GLIS3: variants seen among roughly 807,000 people sequenced by gnomAD.
GLIS3 encodes the protein zinc finger protein GLIS3.
In GLIS3, 53 loss-of-function variants were observed where a neutral mutation model predicts 78.6. The observed-to-expected ratio is 0.67, with a 90% CI of 0.54 to 0.85. The LOEUF is 0.85. Among genes scored for constraint, GLIS3 ranks in the 40% least tolerant of loss-of-function variants. The probability of loss-of-function intolerance (pLI) is 0.00; values close to 1 mark genes in which losing one functional copy is unlikely to be tolerated. For synonymous variants in GLIS3, 684 were observed against 509.9 expected, an observed-to-expected ratio of 1.34 and a Z score of -4.60; for missense variants, 1,703 against 1,231.1, an observed-to-expected ratio of 1.38 and a Z score of -5.74.
the GLIS3 span, chr9:4,490,428 G>T: frequency 3.8e-6 from 1 of 266,364 alleles, no homozygotes; most frequent in East Asian, 7.6e-5. Flanking sequence ...AGGCGCCGCA[G>T]AGCGCGGCGG....
At chr9:4,408,561 T>G in the GLIS3 span, among the ~76,000 whole-genome samples, 1 of 151,526 alleles carries the variant, frequency 6.6e-6, no homozygotes, top group Non-Finnish European at 1.5e-5. Flanking sequence ...ATCCCGTCTG[T>G]ACTAAAAATA....
At chr9:4,159,048 A>AAAAAAAAAAAAAAT (rs1564131649) in intron 2 of GLIS3, among the ~76,000 whole-genome samples, 1 of 150,090 alleles carries the variant, frequency 6.7e-6, no homozygotes, top group Non-Finnish European at 1.5e-5. Flanking sequence ...AAAAAAAAAA[A>AAAAAAAAAAAAAAT]AGCCAGGCTA....
the GLIS3 span, among the ~76,000 whole-genome samples, chr9:4,403,890 G>A: frequency 6.6e-6 from 1 of 152,074 alleles, no homozygotes; most frequent in Non-Finnish European, 1.5e-5. Context: ...ATAATACTGA[G>A]TGAAAATTGA....
chr9:3,900,229 G>C (rs962585023), intron 6 of GLIS3, among the ~76,000 whole-genome samples: 4 of 150,504 alleles, frequency 2.7e-5, no homozygotes, highest in Non-Finnish European at 5.9e-5. Flanking sequence ...TAATAAGCGT[G>C]AAAAATGTTT....
the GLIS3 span, among the ~76,000 whole-genome samples, chr9:4,387,573 A>C: frequency 6.6e-6 from 1 of 152,202 alleles, no homozygotes; most frequent in Non-Finnish European, 1.5e-5. Flanking sequence ...TACTATGACT[A>C]TTGGGAGGAT....
chr9:4,456,800 C>T, the GLIS3 span, among the ~76,000 whole-genome samples: 1 of 152,150 alleles, frequency 6.6e-6, no homozygotes, highest in Non-Finnish European at 1.5e-5. Flanking sequence ...GAACAGCTGA[C>T]CAGTTGAGCA....
At chr9:4,336,985 T>C (rs927166882) in intron 2 of GLIS3, among the ~76,000 whole-genome samples, 2 of 152,322 alleles carry the variant, frequency 1.3e-5, no homozygotes, top group African/African-American at 4.8e-5. Context: ...TATAAATGAC[T>C]AATAAATATT....
chr9:4,322,091 A>G (rs1374273766), intron 2 of GLIS3, among the ~76,000 whole-genome samples: 1 of 151,832 alleles, frequency 6.6e-6, no homozygotes, highest in Non-Finnish European at 1.5e-5. Context: ...AAGTGTTCTC[A>G]TTGTTCAGTT....
At chr9:4,083,073 C>T (rs994776947) in intron 4 of GLIS3, among the ~76,000 whole-genome samples, 5 of 151,962 alleles carry the variant, frequency 3.3e-5, no homozygotes, top group Non-Finnish European at 7.4e-5. Flanking sequence ...TTCTCTGTTC[C>T]CTTTGGGTTT....
chr9:4,468,103 G>T, the GLIS3 span, among the ~76,000 whole-genome samples: 3 of 152,242 alleles, frequency 2.0e-5, no homozygotes, highest in Admixed American at 2.0e-4. Flanking sequence ...AGGGAAAAAA[G>T]AAATGAACAA....
chr9:4,034,446 GTTAA>G (rs1824139247), intron 4 of GLIS3: 2 of 152,166 alleles, frequency 1.3e-5, no homozygotes, highest in Non-Finnish European at 2.9e-5. Flanking sequence ...GCAGGGATAT[GTTAA>G]TTAAGGAGAG....
chr9:4,488,839 T>C, the GLIS3 span, among the ~76,000 whole-genome samples: 9 of 151,820 alleles, frequency 5.9e-5, no homozygotes, highest in East Asian at 1.8e-3. Flanking sequence ...TTCTTGATAG[T>C]TTCCCTTCTG....
chr9:4,438,751 T>G, the GLIS3 span, among the ~76,000 whole-genome samples: 20 of 152,218 alleles, frequency 1.3e-4, no homozygotes, highest in Non-Finnish European at 1.2e-4. Flanking sequence ...ATGAGAGTTC[T>G]GCACAAGCTC....
At chr9:4,304,916 G>C (rs1587373749), upstream of GLIS3, among the ~76,000 whole-genome samples, 1 of 152,208 alleles carries the variant, frequency 6.6e-6, no homozygotes, top group Non-Finnish European at 1.5e-5. Flanking sequence ...CAGCAGGGAA[G>C]AGTGTAATTT....
the GLIS3 span, among the ~76,000 whole-genome samples, chr9:4,412,387 T>C: frequency 1.3e-5 from 2 of 152,334 alleles, no homozygotes; most frequent in South Asian, 4.1e-4. Context: ...TTCTTGGGAC[T>C]AAAAGCATCC....
chr9:3,963,088 T>C (rs1817688860), intron 4 of GLIS3, among the ~76,000 whole-genome samples: 1 of 152,144 alleles, frequency 6.6e-6, no homozygotes, highest in Admixed American at 6.5e-5. Flanking sequence ...CAAGTATAAT[T>C]ACATGGTATA....
At chr9:4,053,705 T>A (rs199664402) in intron 4 of GLIS3, among the ~76,000 whole-genome samples, 187 of 91,038 alleles carry the variant, frequency 2.1e-3, no homozygotes, top group Middle Eastern at 8.3e-3. Context: ...TCTTTCTTCA[T>A]AAAAAAAAAA....
the GLIS3 span, among the ~76,000 whole-genome samples, chr9:4,480,454 G>A: frequency 6.6e-6 from 1 of 152,108 alleles, no homozygotes; most frequent in African/African-American, 2.4e-5. Context: ...TCCCTTTATG[G>A]CCTCGCAAAG....
At chr9:4,225,314 G>C (rs1038940591) in intron 2 of GLIS3, among the ~76,000 whole-genome samples, 2 of 152,126 alleles carry the variant, frequency 1.3e-5, no homozygotes, top group Non-Finnish European at 2.9e-5. Context: ...TTTCTAAGTA[G>C]TATAGACCTG....
Sources: allele counts gnomAD v4.1 joint callset (sites outside exome capture counted in the v4.1 genomes callset), GRCh38; gene constraint gnomAD v4.1.1; transcripts MANE v1.5; gene names NCBI Gene and HGNC (gene_info 2026-07-23, HGNC 2026-07-21).